Variants in DENND2C observed in about 807,000 individuals in gnomAD.
DENND2C encodes the protein DENN domain-containing protein 2C.
In DENND2C, 72 loss-of-function variants were observed where a neutral mutation model predicts 112.4. The ratio of observed to expected loss-of-function variants is 0.64; its 90% confidence interval spans 0.53 to 0.78. DENND2C has a LOEUF of 0.78. Ranked by LOEUF, DENND2C falls within the 30% of genes least tolerant of loss-of-function variation. The probability of loss-of-function intolerance (pLI) is 0.00; values close to 1 mark genes in which losing one functional copy is unlikely to be tolerated. For missense variants in DENND2C, 992 were observed against 1,113.8 expected (o/e 0.89, Z 1.56); for synonymous variants, 329 against 381.6 (o/e 0.86, Z 1.61).
Position 114,654,603 on chromosome 1 carries a change from T to C in DENND2C, c.-415A>G, listed in dbSNP as rs1218520710. 3.9e-5 allele frequency: 6 copies of C among 152,170 alleles called. No homozygotes were observed. Among genetic ancestry groups the C allele is most frequent in the African/African-American group, 1.4e-4 (6 of 41,440 alleles). The allele number at this position is 152,170 out of a possible 1,614,324, so 9.4% of individuals were successfully genotyped here. On this transcript the variant is annotated 5_prime_UTR_variant, in exon 2 of 21. Coordinates refer to ENST00000393274, the MANE Select transcript of DENND2C (RefSeq NM_001256404.2). ...ACAGTGATTACACTTCATTAAATAT[T>C]TTGTTAAATACTATGTGCCAATCAC...
chr1:114,605,608 A>G (rs1306720613), intron 10 of DENND2C, among the ~76,000 whole-genome samples: 1 of 151,970 alleles, frequency 6.6e-6, no homozygotes, highest in Admixed American at 6.5e-5. Context: ...CCTGGGCAAC[A>G]TGGTGAAACC....
In DENND2C at chr1:114,611,778, AACACACAC is replaced by A. The variant is rs6143386; in HGVS notation, c.1325-669_1325-662del. On this transcript the variant is annotated intron_variant, in intron 8 of 20. Transcript: ENST00000393274. ...TTTGTATAATTCTGAGAGCACAGGC[AACACACAC>A]ACACACACACACACACACACACACA... 7.8e-3 allele frequency among the ~76,000 whole-genome samples: 1,163 copies of A among 148,374 alleles called. 9 individuals carry two copies. The highest frequency in any genetic ancestry group is 0.012 in the Non-Finnish European group (830 of 67,016).
At chr1:114,662,189 C>T (rs969870553) in intron 1 of DENND2C, among the ~76,000 whole-genome samples, 10 of 152,124 alleles carry the variant, frequency 6.6e-5, no homozygotes, top group African/African-American at 2.4e-4. Flanking sequence ...CTTATTTAAT[C>T]AGAATATCAA....
At chr1:114,647,235 T>C (rs1180690787) in intron 2 of DENND2C, among the ~76,000 whole-genome samples, 1 of 152,074 alleles carries the variant, frequency 6.6e-6, no homozygotes, top group Non-Finnish European at 1.5e-5. Context: ...CCAAAAGTTG[T>C]ATGAATATAT....
chr1:114,645,840 T>C (rs905886842), intron 2 of DENND2C, among the ~76,000 whole-genome samples: 1 of 152,218 alleles, frequency 6.6e-6, no homozygotes, highest in African/African-American at 2.4e-5. Context: ...ACACATTCTT[T>C]GTTTTGGGCA....
chr1:114,632,861 T>C (rs1424575268), intron 3 of DENND2C, among the ~76,000 whole-genome samples: 1 of 152,168 alleles, frequency 6.6e-6, no homozygotes, highest in African/African-American at 2.4e-5. Context: ...ATTCAACTCG[T>C]ATGCAGGATC....
chr1:114,662,781 C>T (rs1450340842), intron 1 of DENND2C, among the ~76,000 whole-genome samples: 2 of 152,038 alleles, frequency 1.3e-5, no homozygotes, highest in African/African-American at 4.8e-5. Flanking sequence ...CGTATTGAGA[C>T]CCCATCTCTA....
chr1:114,622,975 A>G lies in DENND2C; in HGVS notation c.1056+12T>C, dbSNP rs1184010339. 13 of 1,577,024 alleles carry G rather than the reference A, an allele frequency of 8.2e-6. No individual in the cohort carries two copies. Among genetic ancestry groups the G allele is most frequent in the Non-Finnish European group, 1.0e-5 (12 of 1,157,482 alleles). ...ATTCTAATGTTTTCTTCAATTCATT[A>G]TCTGGTTATACCTTGGGTGCTTTAA... On this transcript the variant is annotated intron_variant, in intron 6 of 20. Transcript: ENST00000393274.
chr1:114,609,890 G>C (rs1655764753), intron 9 of DENND2C, among the ~76,000 whole-genome samples: 1 of 152,184 alleles, frequency 6.6e-6, no homozygotes, highest in Non-Finnish European at 1.5e-5. Context: ...AAAGGGCTGA[G>C]TTCAAGTCAA....
rs79851726 is a variant in DENND2C, at chr1:114,647,712, C to A, written c.-316-2153G>T. On this transcript the variant is annotated intron_variant, in intron 2 of 20. Coordinates refer to ENST00000393274, the MANE Select transcript of DENND2C (RefSeq NM_001256404.2). ...CTGAGATTACAGATGTGAGCCACTA[C>A]GCCTGACCTGTATAGCATATATTTT... is the stretch of plus-strand genomic sequence containing the variant. 2.6e-4 allele frequency among the ~76,000 whole-genome samples: 39 copies of A among 152,096 alleles called. 1 individual carries two copies. The East Asian group carries it at 7.2e-3, about 28-fold the overall frequency.
chr1:114,601,737 G>T, intron 12 of DENND2C, 152 bp from the exon 13 acceptor site: 1 of 692,172 alleles, frequency 1.4e-6, no homozygotes, highest in Non-Finnish European at 2.3e-6. Context: ...TGTGAAAAGT[G>T]CTAAAAATGA....
At chr1:114,662,934 T>C (rs1292077214) in intron 1 of DENND2C, among the ~76,000 whole-genome samples, 2 of 151,412 alleles carry the variant, frequency 1.3e-5, no homozygotes, top group Admixed American at 6.6e-5. Flanking sequence ...CACTCCAGCC[T>C]GGGTGACAGA....
At chr1:114,609,359 AT>A (rs1399348466) in intron 9 of DENND2C, among the ~76,000 whole-genome samples, 1 of 152,132 alleles carries the variant, frequency 6.6e-6, no homozygotes, top group Non-Finnish European at 1.5e-5. Context: ...TAAAATAAAA[AT>A]TTTCCTCACA....
At chr1:114,666,746 C>T (rs969624680) in intron 1 of DENND2C, among the ~76,000 whole-genome samples, 1 of 152,220 alleles carries the variant, frequency 6.6e-6, no homozygotes, top group Non-Finnish European at 1.5e-5. Context: ...AGCCACCACG[C>T]CTGGCCCTAA....
At chr1:114,620,708 C>T (rs1176513798) in intron 7 of DENND2C, among the ~76,000 whole-genome samples, 1 of 151,954 alleles carries the variant, frequency 6.6e-6, no homozygotes, top group Admixed American at 6.6e-5. Context: ...TCATGATGCA[C>T]AGAAAGATAA....
chr1:114,649,547 A>G (rs1486000192), intron 2 of DENND2C, among the ~76,000 whole-genome samples: 1 of 151,254 alleles, frequency 6.6e-6, no homozygotes, highest in Non-Finnish European at 1.5e-5. Context: ...CTAATTTTTA[A>G]TTTTTTTTTA....
chr1:114,651,276 T>TACACACACACACACACACACACACAC (rs57202953), intron 2 of DENND2C, among the ~76,000 whole-genome samples: 10 of 139,270 alleles, frequency 7.2e-5, no homozygotes, highest in African/African-American at 2.2e-4. Flanking sequence ...TCCCTACACA[T>TACACACACACACACACACACACACAC]ACACACACAC....
rs367643785 is a variant in DENND2C, at chr1:114,625,250, T to C, written c.735A>G (p.Gln245=). Residue 245 remains glutamine (Q), a synonymous_variant, in exon 4 of 21, where the codon CAA becomes CAG. Transcript: ENST00000393274. Reference sequence around the variant, plus strand: ...GTTCCTGAGAAGAGGCCAAAGAAGATTGTGCACAAGAGTTATTTTCACAGT... The same window carrying C: ...GTTCCTGAGAAGAGGCCAAAGAAGACTGTGCACAAGAGTTATTTTCACAGT... ...KKYCENNSCA[Q]SSLASSQEPE... 3.0e-5 allele frequency: 49 copies of C among 1,613,982 alleles called. No individual in the cohort carries two copies. Among genetic ancestry groups the C allele is most frequent in the South Asian group, 2.7e-4 (25 of 91,080 alleles).
intron 3 of DENND2C, among the ~76,000 whole-genome samples, chr1:114,634,556 A>G (rs941365561): frequency 2.0e-5 from 3 of 152,102 alleles, no homozygotes; most frequent in Admixed American, 6.6e-5. Flanking sequence ...ATAAAATAAG[A>G]CTCAATAAAT....
Sources: allele counts gnomAD v4.1 joint callset (sites outside exome capture counted in the v4.1 genomes callset), GRCh38; gene constraint gnomAD v4.1.1; transcripts MANE v1.5; gene names NCBI Gene and HGNC (gene_info 2026-07-23, HGNC 2026-07-21).